BNC2: variants seen among roughly 807,000 people sequenced by gnomAD.
BNC2 encodes the protein zinc finger protein basonuclin-2.
BNC2 carries 20 observed loss-of-function variants against 76.3 expected under a neutral mutation model. That is an observed-to-expected ratio of 0.26 (90% confidence interval 0.18 to 0.38). The LOEUF (loss-of-function observed/expected upper bound fraction) is 0.38. Ranked by LOEUF, BNC2 falls within the 10% of genes least tolerant of loss-of-function variation. The probability of loss-of-function intolerance (pLI) is 1.00; values close to 1 mark genes in which losing one functional copy is unlikely to be tolerated. For missense variants in BNC2, 1,382 were observed against 1,399.8 expected (o/e 0.99, Z 0.20); for synonymous variants, 582 against 514.8 (o/e 1.13, Z -1.77).
At chr9:16,571,634 G>A (rs1819326177) in intron 4 of BNC2, among the ~76,000 whole-genome samples, 2 of 151,610 alleles carry the variant, frequency 1.3e-5, no homozygotes, top group African/African-American at 4.8e-5. Flanking sequence ...TGAGGCAATT[G>A]CGCACTCAGC....
chr9:16,838,715 T>C (rs1818761293), intron 1 of BNC2, among the ~76,000 whole-genome samples: 1 of 152,186 alleles, frequency 6.6e-6, no homozygotes, highest in South Asian at 2.1e-4. Flanking sequence ...GACTTCAAAG[T>C]AGACATGATC....
chr9:16,822,334 C>G (rs1168380364), intron 1 of BNC2, among the ~76,000 whole-genome samples: 1 of 152,078 alleles, frequency 6.6e-6, no homozygotes, highest in African/African-American at 2.4e-5. Context: ...TAAAATAGGC[C>G]TTTCTTTTTA....
At chr9:16,496,024 T>A (rs947024163) in intron 5 of BNC2, among the ~76,000 whole-genome samples, 1 of 151,918 alleles carries the variant, frequency 6.6e-6, no homozygotes, top group African/African-American at 2.4e-5. Flanking sequence ...TTCTCCTGCC[T>A]CAGCCTCTCA....
chr9:16,500,576 C>T (rs984172403), intron 5 of BNC2, among the ~76,000 whole-genome samples: 18 of 152,118 alleles, frequency 1.2e-4, no homozygotes, highest in Admixed American at 1.2e-3. Flanking sequence ...TTTGTCCTTG[C>T]CCATACAGTC....
At chr9:16,580,457 C>T (rs548321912) in intron 4 of BNC2, among the ~76,000 whole-genome samples, 1 of 152,226 alleles carries the variant, frequency 6.6e-6, no homozygotes, top group South Asian at 2.1e-4. Flanking sequence ...TTTAATGGTA[C>T]AGTAGAAAAA....
chr9:16,718,396 A>G (rs1408885685), intron 3 of BNC2, among the ~76,000 whole-genome samples: 1 of 152,216 alleles, frequency 6.6e-6, no homozygotes, highest in East Asian at 1.9e-4. Flanking sequence ...CACAATGAAG[A>G]GTATTTAGTC....
intron 3 of BNC2, among the ~76,000 whole-genome samples, chr9:16,637,074 T>C (rs1821350611): frequency 6.6e-6 from 1 of 152,104 alleles, no homozygotes; most frequent in African/African-American, 2.4e-5. Context: ...TCTTGCCATA[T>C]AGAAAGAGGC....
intron 5 of BNC2, among the ~76,000 whole-genome samples, chr9:16,471,826 A>C (rs1393853599): frequency 1.3e-5 from 2 of 152,168 alleles, no homozygotes; most frequent in Non-Finnish European, 2.9e-5. Context: ...TGTATCTCCC[A>C]GAATTCCCAC....
intron 5 of BNC2, among the ~76,000 whole-genome samples, chr9:16,535,005 A>T (rs554408689): frequency 5.6e-4 from 85 of 152,296 alleles, no homozygotes; most frequent in African/African-American, 2.0e-3. Context: ...TTTTCTGTAG[A>T]TCTGTAGATA....
chr9:16,754,046 T>C (rs1825303713), intron 1 of BNC2, among the ~76,000 whole-genome samples: 1 of 152,150 alleles, frequency 6.6e-6, no homozygotes, highest in South Asian at 2.1e-4. Flanking sequence ...GAGTGCTCGC[T>C]TATAGCCTGT....
intron 5 of BNC2, among the ~76,000 whole-genome samples, chr9:16,462,494 T>C (rs190504334): frequency 6.6e-6 from 1 of 152,028 alleles, no homozygotes; most frequent in Admixed American, 6.6e-5. Flanking sequence ...GCTGGCAAAA[T>C]GATTAACACG....
At chr9:16,486,266 T>C (rs1018968684) in intron 5 of BNC2, among the ~76,000 whole-genome samples, 2 of 152,186 alleles carry the variant, frequency 1.3e-5, no homozygotes, top group East Asian at 3.8e-4. Context: ...CAGAGGAAAA[T>C]GAAGACCTGG....
chr9:16,601,879 C>G (rs959616483), intron 3 of BNC2, among the ~76,000 whole-genome samples: 15 of 152,274 alleles, frequency 9.9e-5, no homozygotes, highest in Admixed American at 9.8e-4. Context: ...CTGGTAATAT[C>G]TCTAAAGTTT....
intron 5 of BNC2, among the ~76,000 whole-genome samples, chr9:16,487,784 G>A (rs770657358): frequency 6.6e-6 from 1 of 152,100 alleles, no homozygotes; most frequent in African/African-American, 2.4e-5. Flanking sequence ...ATTTCTCTGG[G>A]TCCCCCTTAA....
chr9:16,737,685 A>G (rs1824718066), intron 2 of BNC2, among the ~76,000 whole-genome samples: 1 of 152,298 alleles, frequency 6.6e-6, no homozygotes, highest in South Asian at 2.1e-4. Flanking sequence ...GTTGAAACAG[A>G]GCAAATGTTC....
intron 5 of BNC2, among the ~76,000 whole-genome samples, chr9:16,481,828 C>T (rs1822063812): frequency 6.6e-6 from 1 of 152,168 alleles, no homozygotes; most frequent in Non-Finnish European, 1.5e-5. Flanking sequence ...TATACACAAA[C>T]ACATACAGTC....
chr9:16,837,060 G>A (rs905460109), intron 1 of BNC2, among the ~76,000 whole-genome samples: 2 of 152,132 alleles, frequency 1.3e-5, no homozygotes, highest in Admixed American at 1.3e-4. Context: ...GACTACATAG[G>A]TAAGTTCTAA....
chr9:16,587,062 AGTT>A (rs1273204525), intron 3 of BNC2, among the ~76,000 whole-genome samples: 1 of 152,192 alleles, frequency 6.6e-6, no homozygotes, highest in East Asian at 1.9e-4. Flanking sequence ...AATAGCATAA[AGTT>A]GTTACTACTA....
chr9:16,557,505 T>TAA (rs112057330), intron 4 of BNC2, among the ~76,000 whole-genome samples: 1 of 141,266 alleles, frequency 7.1e-6, no homozygotes. Flanking sequence ...TCACAGGATT[T>TAA]AAAAAAAAAA....
Sources: allele counts gnomAD v4.1 joint callset (sites outside exome capture counted in the v4.1 genomes callset), GRCh38; gene constraint gnomAD v4.1.1; transcripts MANE v1.5; gene names NCBI Gene and HGNC (gene_info 2026-07-23, HGNC 2026-07-21).